RAPGEF4: variants seen among roughly 807,000 people sequenced by gnomAD.
RAPGEF4 encodes Rap guanine nucleotide exchange factor 4.
RAPGEF4 carries 66 observed loss-of-function variants against 147.9 expected under a neutral mutation model. The observed-to-expected ratio is 0.45, with a 90% CI of 0.37 to 0.55. The LOEUF is 0.55. Among genes scored for constraint, RAPGEF4 ranks in the 20% least tolerant of loss-of-function variants. The pLI, the probability that RAPGEF4 is intolerant of heterozygous loss-of-function variation, is 0.00. For missense variants in RAPGEF4, 1,071 were observed against 1,257.3 expected, an observed-to-expected ratio of 0.85 and a Z score of 2.24; for synonymous variants, 419 against 442.7, an observed-to-expected ratio of 0.95 and a Z score of 0.67.
chr2:172,879,895 C>G (rs1307486188), intron 4 of RAPGEF4, among the ~76,000 whole-genome samples: 1 of 152,080 alleles, frequency 6.6e-6, no homozygotes, highest in Non-Finnish European at 1.5e-5. Flanking sequence ...GAATTGCCTC[C>G]CAAAGAGACT....
intron 1 of RAPGEF4, among the ~76,000 whole-genome samples, chr2:172,790,525 G>A (rs1685708654): frequency 6.6e-6 from 1 of 152,156 alleles, no homozygotes; most frequent in Non-Finnish European, 1.5e-5. Flanking sequence ...GCTATAATTA[G>A]AGAAACCACA....
intron 6 of RAPGEF4, among the ~76,000 whole-genome samples, chr2:172,949,261 G>A (rs552119511): frequency 2.0e-5 from 3 of 152,210 alleles, no homozygotes; most frequent in East Asian, 3.9e-4. Context: ...ACAAAGCACC[G>A]CAGGGATTCT....
chr2:172,764,201 C>A (rs1696614298), intron 1 of RAPGEF4, among the ~76,000 whole-genome samples: 1 of 151,670 alleles, frequency 6.6e-6, no homozygotes, highest in African/African-American at 2.4e-5. Flanking sequence ...TTGCATTGAA[C>A]CATGATCACG....
At chr2:172,824,576 C>T (rs1296540893) in intron 4 of RAPGEF4, among the ~76,000 whole-genome samples, 2 of 152,150 alleles carry the variant, frequency 1.3e-5, no homozygotes, top group African/African-American at 4.8e-5. Flanking sequence ...GCAGTCAGTA[C>T]TTTAGAGTCA....
At chr2:172,923,715 G>T (rs1575255423) in intron 6 of RAPGEF4, among the ~76,000 whole-genome samples, 1 of 152,240 alleles carries the variant, frequency 6.6e-6, no homozygotes, top group East Asian at 1.9e-4. Flanking sequence ...TCTTTAAAAT[G>T]TGGATGTTAC....
chr2:172,954,232 A>T (rs994903331), intron 6 of RAPGEF4, among the ~76,000 whole-genome samples: 2 of 152,148 alleles, frequency 1.3e-5, no homozygotes, highest in Non-Finnish European at 2.9e-5. Flanking sequence ...CAGAACTACC[A>T]TCTAAGTATT....
chr2:172,797,246 T>G (rs1686469167), intron 2 of RAPGEF4, among the ~76,000 whole-genome samples: 1 of 152,228 alleles, frequency 6.6e-6, no homozygotes, highest in South Asian at 2.1e-4. Context: ...TCAAAGGATC[T>G]TATAACATTT....
intron 3 of RAPGEF4, among the ~76,000 whole-genome samples, chr2:172,799,686 G>A (rs1313737402): frequency 6.6e-6 from 1 of 152,164 alleles, no homozygotes; most frequent in African/African-American, 2.4e-5. Context: ...GGAGAGAGTG[G>A]AGAAGCTGAA....
chr2:173,003,132 C>CTTT (rs369905026), intron 17 of RAPGEF4, among the ~76,000 whole-genome samples: 6 of 148,104 alleles, frequency 4.1e-5, no homozygotes, highest in South Asian at 4.3e-4. Context: ...CTGCGCTTGT[C>CTTT]TTTTTTTTTT....
At chr2:172,939,308 A>T (rs1212359495) in intron 6 of RAPGEF4, among the ~76,000 whole-genome samples, 1 of 152,172 alleles carries the variant, frequency 6.6e-6, no homozygotes, top group Admixed American at 6.5e-5. Context: ...TTTGTTCTGC[A>T]TCCTTGCCAG....
intron 4 of RAPGEF4, among the ~76,000 whole-genome samples, chr2:172,840,335 CGAA>C (rs1244882626): frequency 2.0e-5 from 3 of 152,254 alleles, no homozygotes; most frequent in Admixed American, 2.0e-4. Context: ...TTCTGGAAGG[CGAA>C]GAAGGAGTGA....
intron 1 of RAPGEF4, among the ~76,000 whole-genome samples, chr2:172,753,528 A>C (rs950455704): frequency 1.3e-5 from 2 of 152,052 alleles, no homozygotes; most frequent in Non-Finnish European, 2.9e-5. Flanking sequence ...GAATTGGGAA[A>C]AGCAACACAG....
At chr2:172,912,189 C>T (rs184534186) in intron 4 of RAPGEF4, among the ~76,000 whole-genome samples, 1 of 152,232 alleles carries the variant, frequency 6.6e-6, no homozygotes, top group Admixed American at 6.5e-5. Flanking sequence ...TTGAAGGGTC[C>T]AAAGGATTCT....
intron 4 of RAPGEF4, among the ~76,000 whole-genome samples, chr2:172,829,417 G>GCAGAAGGA (rs1359929700): frequency 6.6e-6 from 1 of 152,202 alleles, no homozygotes. Flanking sequence ...GTGAGCCCCT[G>GCAGAAGGA]AGCTCATCCA....
chr2:172,929,237 T>A (rs1193655634), intron 6 of RAPGEF4, among the ~76,000 whole-genome samples: 2 of 152,252 alleles, frequency 1.3e-5, no homozygotes, highest in Admixed American at 1.3e-4. Context: ...TAAACTAATC[T>A]AGTGTTGACA....
In RAPGEF4 at chr2:173,052,697, G is replaced by A. The variant is rs7584063; in HGVS notation, c.*930G>A. The A allele has an allele frequency of 0.99, 151,260 of 152,760 alleles. 74,897 individuals are homozygous for A. The highest frequency in any genetic ancestry group is 1 in the Middle Eastern group (292 of 292). The allele number at this position is 152,760 out of a possible 1,614,324, so 9.5% of individuals were successfully genotyped here. On this transcript the variant is annotated 3_prime_UTR_variant, in exon 31 of 31. Coordinates refer to ENST00000397081, the MANE Select transcript of RAPGEF4 (RefSeq NM_007023.4). ...AAATAGTTCATTCAATCAATGGTAT[G>A]GAGTTATTTATTTGCTACATAATAG... is the stretch of plus-strand genomic sequence containing the variant.
chr2:172,787,851 C>G (rs1225278465), intron 1 of RAPGEF4, among the ~76,000 whole-genome samples: 1 of 152,108 alleles, frequency 6.6e-6, no homozygotes, highest in African/African-American at 2.4e-5. Context: ...AACTGCTGGG[C>G]TCAAGCAACC....
rs186282745 is a variant in RAPGEF4, at chr2:172,768,567, C to A, written c.66-26458C>A. On this transcript the variant is annotated intron_variant, in intron 1 of 30. Coordinates refer to ENST00000397081, the MANE Select transcript of RAPGEF4 (RefSeq NM_007023.4). ...TTCATCAAGAAATCACACTTCCTGG[C>A]GTGAGTACTCAGGCGGAAGAGTGCC... Among the ~76,000 whole-genome samples, 33 of 151,832 alleles carry A rather than the reference C, an allele frequency of 2.2e-4. 1 individual carries two copies. In the East Asian group the frequency reaches 5.6e-3, roughly 26 times the overall value.
intron 4 of RAPGEF4, among the ~76,000 whole-genome samples, chr2:172,874,203 T>A (rs967049512): frequency 6.6e-6 from 1 of 152,216 alleles, no homozygotes; most frequent in East Asian, 1.9e-4. Context: ...ACTGGGTAGA[T>A]ACCCAAAGGA....
Sources: gnomAD v4.1 joint callset for allele counts (sites outside exome capture counted in the v4.1 genomes callset) on GRCh38, gnomAD v4.1.1 for gene constraint, MANE v1.5 for transcripts, NCBI Gene and HGNC (gene_info 2026-07-23, HGNC 2026-07-21) for gene names.